The following MAP3K20 variants were observed in gnomAD, a reference collection of about 807,000 sequenced individuals.
MAP3K20 encodes HCCS-4.
MAP3K20 carries 40 observed loss-of-function variants against 85.7 expected under a neutral mutation model. The ratio of observed to expected loss-of-function variants is 0.47; its 90% CI spans 0.36 to 0.61. The LOEUF is 0.61. Ranked by LOEUF, MAP3K20 falls within the 20% of genes least tolerant of loss-of-function variation. The probability of loss-of-function intolerance (pLI) is 0.00; values close to 1 mark genes in which losing one functional copy is unlikely to be tolerated. For synonymous variants in MAP3K20, 325 were observed against 327.7 expected, an observed-to-expected ratio of 0.99 and a Z score of 0.09; for missense variants, 817 against 961.7, an observed-to-expected ratio of 0.85 and a Z score of 1.99.
In MAP3K20 at chr2:173,245,729, C is replaced by T. The variant is rs577269306; in HGVS notation, c.1359+6233C>T. Among the ~76,000 whole-genome samples the T allele has an allele frequency of 3.9e-5, 6 of 152,278 alleles. No individual in the cohort carries two copies. The South Asian group carries it at 6.2e-4, about 16-fold the overall frequency. On this transcript the variant is annotated intron_variant, in intron 16 of 19. Coordinates refer to ENST00000375213, the MANE Select transcript of MAP3K20 (RefSeq NM_016653.3). ...GGCAGATCACTTGAGGTTAGGAGTTCGAGGCCAGCCTGGCCAACATGGTGA... is the reference window on the plus strand; with the variant it reads ...GGCAGATCACTTGAGGTTAGGAGTTTGAGGCCAGCCTGGCCAACATGGTGA...
At chr2:173,134,424 A>ATTTTTTT (rs1315509260) in intron 2 of MAP3K20, among the ~76,000 whole-genome samples, 9 of 5,036 alleles carry the variant, frequency 1.8e-3, no homozygotes, top group Admixed American at 2.8e-3. Flanking sequence ...ATATATATAT[A>ATTTTTTT]TATATTTTTT....
intron 1 of MAP3K20, among the ~76,000 whole-genome samples, chr2:173,076,843 G>T (rs1249232219): frequency 6.6e-6 from 1 of 152,174 alleles, no homozygotes; most frequent in Non-Finnish European, 1.5e-5. Flanking sequence ...CCAGGCCGTC[G>T]CCTCGTCTGG....
At chr2:173,130,656 T>C (rs537116784) in intron 2 of MAP3K20, among the ~76,000 whole-genome samples, 2 of 152,358 alleles carry the variant, frequency 1.3e-5, no homozygotes, top group East Asian at 1.9e-4. Context: ...CAAAGTATGC[T>C]GGTTAACAGA....
chr2:173,224,977 G>GAGA (rs10700280), intron 11 of MAP3K20: 849,175 of 982,258 alleles, frequency 0.86, 369,025 homozygotes, highest in Non-Finnish European at 0.88. Flanking sequence ...TGTACATTTA[G>GAGA]AGGTTAAAAG....
chr2:173,225,491 G>A (rs1684358091), intron 11 of MAP3K20: 23 of 677,318 alleles, frequency 3.4e-5, no homozygotes, highest in Non-Finnish European at 4.2e-5. Flanking sequence ...CTACTAGGGA[G>A]GCTGAGGCAG....
At chr2:173,120,167 T>C (rs745580205) in intron 2 of MAP3K20, among the ~76,000 whole-genome samples, 1 of 152,220 alleles carries the variant, frequency 6.6e-6, no homozygotes, top group Non-Finnish European at 1.5e-5. Context: ...TAACTAGTCA[T>C]GATCTCTGAC....
chr2:173,096,914 A>T (rs1226000634), intron 2 of MAP3K20, among the ~76,000 whole-genome samples: 1 of 152,200 alleles, frequency 6.6e-6, no homozygotes, highest in African/African-American at 2.4e-5. Context: ...TATCTTTTTG[A>T]TGAATTCCAG....
rs188053668 is a variant in MAP3K20, at chr2:173,142,466, C to T, written c.160-27339C>T. Among the ~76,000 whole-genome samples, 483 of 147,328 alleles carry T rather than the reference C, an allele frequency of 3.3e-3. 4 individuals are homozygous for T. Among genetic ancestry groups the T allele is most frequent in the East Asian group, 0.022 (113 of 5,024 alleles). On this transcript the variant is annotated intron_variant, in intron 2 of 19. Coordinates refer to ENST00000375213, the MANE Select transcript of MAP3K20 (RefSeq NM_016653.3). The stretch of plus-strand genomic sequence containing the variant: ...CAGCCTGGGCAACAGAGCGAGACTC[C>T]GTCTCAAAAAAAAAAAAAAAGTAGT...
At chr2:173,186,437 A>C (rs1690487093) in intron 4 of MAP3K20, among the ~76,000 whole-genome samples, 1 of 152,184 alleles carries the variant, frequency 6.6e-6, no homozygotes, top group Non-Finnish European at 1.5e-5. Context: ...CATAATTACT[A>C]ATACTTGTGT....
At chr2:173,200,434 G>T (rs1244824833) in intron 8 of MAP3K20, among the ~76,000 whole-genome samples, 1 of 151,998 alleles carries the variant, frequency 6.6e-6, no homozygotes, top group Non-Finnish European at 1.5e-5. Flanking sequence ...GAATATTTTG[G>T]GTTATGGGTT....
intron 1 of MAP3K20, among the ~76,000 whole-genome samples, chr2:173,081,033 C>T (rs1686998884): frequency 6.6e-6 from 1 of 152,114 alleles, no homozygotes; most frequent in Admixed American, 6.5e-5. Flanking sequence ...AAGAATTTGT[C>T]CGTATAGCCA....
intron 10 of MAP3K20, chr2:173,215,495 GA>G (rs962008951): frequency 6.6e-6 from 1 of 152,168 alleles, no homozygotes; most frequent in Non-Finnish European, 1.5e-5. Context: ...TCATAATTCT[GA>G]AAAATTGCTG....
At chr2:173,202,826 G>T (rs949822142) in intron 8 of MAP3K20, among the ~76,000 whole-genome samples, 1 of 152,256 alleles carries the variant, frequency 6.6e-6, no homozygotes, top group East Asian at 1.9e-4. Context: ...TCATGATAAA[G>T]TTATGAATCA....
chr2:173,078,644 G>GA (rs1364901652), intron 1 of MAP3K20, among the ~76,000 whole-genome samples: 2 of 152,306 alleles, frequency 1.3e-5, no homozygotes, highest in African/African-American at 4.8e-5. Flanking sequence ...CACAGTAGAA[G>GA]AATCTGTGAG....
At chr2:173,188,915 A>C (rs1690570035) in intron 5 of MAP3K20, among the ~76,000 whole-genome samples, 1 of 152,210 alleles carries the variant, frequency 6.6e-6, no homozygotes, top group Non-Finnish European at 1.5e-5. Flanking sequence ...ATGTTATTTG[A>C]CTTCAGTATA....
Position 173,266,783 on chromosome 2 carries a change from T to TAAA in MAP3K20, c.*48_*50dup, listed in dbSNP as rs3835094. ...AACTACATAGCTTTTCTAAGCAGGTTAAAAAAAAAAAAAAAAAGAAATGTA... is the reference window on the plus strand; with the variant it reads ...AACTACATAGCTTTTCTAAGCAGGTTAAAAAAAAAAAAAAAAAAAAGAAATGTA... On this transcript the variant is annotated 3_prime_UTR_variant, in exon 20 of 20. Transcript: ENST00000375213. 0.23 allele frequency: 230,743 copies of TAAA among 982,660 alleles called. 10,751 individuals are homozygous for TAAA. The highest frequency in any genetic ancestry group is 0.26 in the Non-Finnish European group (192,886 of 741,502). 60.9% of individuals were successfully genotyped at this position (982,660 alleles called of 1,614,324 possible). A position where few individuals can be genotyped will look rare whatever the true frequency, so the allele number is the denominator to read the frequency against.
At chr2:173,202,865 T>C (rs528226682) in intron 8 of MAP3K20, among the ~76,000 whole-genome samples, 1 of 152,166 alleles carries the variant, frequency 6.6e-6, no homozygotes, top group Non-Finnish European at 1.5e-5. Flanking sequence ...TTTGATTTAT[T>C]TTATTTGGTA....
In MAP3K20 at chr2:173,156,510, A is replaced by T. The variant is rs1689475377; in HGVS notation, c.160-13295A>T. 1.3e-5 allele frequency among the ~76,000 whole-genome samples: 2 copies of T among 152,166 alleles called. 1 individual carries two copies. The highest frequency in any genetic ancestry group is 1.3e-4 in the Admixed American group (2 of 15,276). On this transcript the variant is annotated intron_variant, in intron 2 of 19. Transcript: ENST00000375213. Reference sequence around the variant, plus strand: ...TGTGGAAGACAGTTTTTCCACAGATAGGGCGGTGGTGGGGGATGGTTTCAG... The same window carrying T: ...TGTGGAAGACAGTTTTTCCACAGATTGGGCGGTGGTGGGGGATGGTTTCAG...
At position 173,129,387 on chromosome 2, in the gene MAP3K20, T is replaced by G. The variant is rs1454035558; in HGVS notation, c.159+38197T>G. ...AAGCACTATCATAGCTCATCAAATC[T>G]AAGATGCCTTTGGTTTAAAATATTA... On this transcript the variant is annotated intron_variant, in intron 2 of 19. Transcript: ENST00000375213. Among the ~76,000 whole-genome samples, 4 of 152,200 alleles carry G rather than the reference T, an allele frequency of 2.6e-5. No homozygotes were observed. In the East Asian group the frequency reaches 7.7e-4, roughly 29 times the overall value.
Sources: gnomAD v4.1 joint callset for allele counts (sites outside exome capture counted in the v4.1 genomes callset) on GRCh38, gnomAD v4.1.1 for gene constraint, MANE v1.5 for transcripts, NCBI Gene and HGNC (gene_info 2026-07-23, HGNC 2026-07-21) for gene names.